The following NCAM2 variants were observed in gnomAD, a reference collection of about 807,000 sequenced individuals.
The protein encoded by NCAM2 is N-CAM-2.
In NCAM2, 30 loss-of-function variants were observed where a neutral mutation model predicts 98.1. The ratio of observed to expected loss-of-function variants is 0.31; its 90% CI spans 0.23 to 0.41. The LOEUF is 0.41. Ranked by LOEUF, NCAM2 falls within the 10% of genes least tolerant of loss-of-function variation. The pLI, the probability that NCAM2 is intolerant of heterozygous loss-of-function variation, is 1.00. For missense variants in NCAM2, 867 were observed against 1,005.8 expected (o/e 0.86, Z 1.87); for synonymous variants, 368 against 342.4 (o/e 1.07, Z -0.83).
At chr21:21,272,980 CACAT>C (rs1310094687) in intron 1 of NCAM2, among the ~76,000 whole-genome samples, 3 of 20,222 alleles carry the variant, frequency 1.5e-4, no homozygotes, top group South Asian at 1.8e-3. Flanking sequence ...TGCATTCACA[CACAT>C]ACACACACAC....
chr21:21,395,139 C>T (rs1244574670), intron 9 of NCAM2, among the ~76,000 whole-genome samples: 6 of 152,022 alleles, frequency 3.9e-5, no homozygotes, highest in Admixed American at 6.6e-5. Context: ...CGAGACCAGC[C>T]TGGGCAACAT....
intron 5 of NCAM2, among the ~76,000 whole-genome samples, chr21:21,306,355 C>A (rs1044504006): frequency 2.6e-5 from 4 of 152,078 alleles, no homozygotes; most frequent in Non-Finnish European, 5.9e-5. Context: ...GTATTTTAAG[C>A]TCTCTTATTA....
At chr21:21,024,090 A>T (rs561631874) in intron 1 of NCAM2, among the ~76,000 whole-genome samples, 1 of 152,240 alleles carries the variant, frequency 6.6e-6, no homozygotes, top group African/African-American at 2.4e-5. Flanking sequence ...GCAATAATAC[A>T]AAGAATATGT....
chr21:21,022,164 G>T (rs1169713301), intron 1 of NCAM2, among the ~76,000 whole-genome samples: 2 of 151,952 alleles, frequency 1.3e-5, no homozygotes, highest in Admixed American at 6.5e-5. Context: ...AATTAGAATA[G>T]TTTAGTTGAA....
At position 21,008,328 on chromosome 21, in the gene NCAM2, G is replaced by A. The variant is rs75851296; in HGVS notation, c.55+9710G>A. Among the ~76,000 whole-genome samples, 142 of 152,134 alleles carry A rather than the reference G, an allele frequency of 9.3e-4. 3 individuals are homozygous for A. The East Asian group carries it at 0.024, about 25-fold the overall frequency. On this transcript the variant is annotated intron_variant, in intron 1 of 17. Transcript: ENST00000400546. ...GATTACACACTAATCTTTACACCAG[G>A]TAAAACTTGTGAATCATCAAAGGGT...
rs560710892 is a variant in NCAM2, at chr21:21,340,413, A to G, written c.1044+1879A>G. ...GCTGTTATATTTTATTCTTGGATCTATGCCTCAGGCCACCCCAAACTACAC... is the reference window on the plus strand; with the variant it reads ...GCTGTTATATTTTATTCTTGGATCTGTGCCTCAGGCCACCCCAAACTACAC... On this transcript the variant is annotated intron_variant, in intron 8 of 17. Transcript: ENST00000400546. Among the ~76,000 whole-genome samples, 61 of 152,032 alleles carry G rather than the reference A, an allele frequency of 4.0e-4. No individual in the cohort carries two copies. In the South Asian group the frequency reaches 0.012, roughly 31 times the overall value.
At chr21:21,506,453 A>G (rs1987984013) in intron 15 of NCAM2, among the ~76,000 whole-genome samples, 1 of 152,114 alleles carries the variant, frequency 6.6e-6, no homozygotes, top group African/African-American at 2.4e-5. Context: ...ATTTTTTTTA[A>G]CTGCAAACAG....
intron 10 of NCAM2, among the ~76,000 whole-genome samples, 158 bp downstream of exon 10, chr21:21,410,619 T>C (rs2076837562): frequency 1.3e-5 from 2 of 152,128 alleles, no homozygotes; most frequent in Non-Finnish European, 2.9e-5. Flanking sequence ...GGTCCATGGC[T>C]CATTAATGAT....
intron 1 of NCAM2, among the ~76,000 whole-genome samples, chr21:21,121,090 A>T (rs2066665776): frequency 6.6e-6 from 1 of 152,176 alleles, no homozygotes; most frequent in Non-Finnish European, 1.5e-5. Context: ...TGGATTTCTC[A>T]GTAGTGTACT....
chr21:21,406,514 A>G (rs1279820114), intron 9 of NCAM2, among the ~76,000 whole-genome samples: 1 of 152,126 alleles, frequency 6.6e-6, no homozygotes, highest in Non-Finnish European at 1.5e-5. Context: ...AAAGTGGGCT[A>G]AGAAGAACCT....
chr21:21,095,765 A>G (rs891516201), intron 1 of NCAM2, among the ~76,000 whole-genome samples: 1 of 151,674 alleles, frequency 6.6e-6, no homozygotes, highest in African/African-American at 2.4e-5. Flanking sequence ...GAAAAATTGC[A>G]TATCAACTTT....
chr21:21,528,218 G>A (rs8133916), intron 16 of NCAM2, among the ~76,000 whole-genome samples: 7,819 of 152,194 alleles, frequency 0.051, 682 homozygotes, highest in African/African-American at 0.18. Context: ...AGTAAAGGGA[G>A]CCCAGAAGAT....
At chr21:21,278,211 A>G (rs551283800) in intron 1 of NCAM2, among the ~76,000 whole-genome samples, 1 of 151,782 alleles carries the variant, frequency 6.6e-6, no homozygotes, top group South Asian at 2.1e-4. Flanking sequence ...TTTCCCTTCT[A>G]TCCATAAACA....
At chr21:21,344,610 A>T (rs775665830) in intron 8 of NCAM2, among the ~76,000 whole-genome samples, 3 of 152,084 alleles carry the variant, frequency 2.0e-5, no homozygotes, top group Non-Finnish European at 1.5e-5. Context: ...CAGCCACAGT[A>T]CCATAGAACA....
rs572063392 is a variant in NCAM2 at position 21,127,141 on chromosome 21, T to C, written c.55+128523T>C. Among the ~76,000 whole-genome samples the C allele has an allele frequency of 9.9e-5, 15 of 152,074 alleles. No individual in the cohort carries two copies. The East Asian group carries it at 2.9e-3, about 29-fold the overall frequency. On this transcript the variant is annotated intron_variant, in intron 1 of 17. Coordinates refer to ENST00000400546, the MANE Select transcript of NCAM2 (RefSeq NM_004540.5). ...ATGACGGTTTTATTTGTAAGTAGTT[T>C]TTTAGATAATCCTTAAATACATTAT...
chr21:21,227,117 C>A (rs764630554), intron 1 of NCAM2, among the ~76,000 whole-genome samples: 2 of 151,672 alleles, frequency 1.3e-5, no homozygotes, highest in Non-Finnish European at 2.9e-5. Flanking sequence ...AACAAATATT[C>A]TGTTGAACAT....
At chr21:21,118,875 CTG>C (rs1324421166) in intron 1 of NCAM2, among the ~76,000 whole-genome samples, 1 of 152,098 alleles carries the variant, frequency 6.6e-6, no homozygotes, top group Non-Finnish European at 1.5e-5. Context: ...TTTCAGGTGA[CTG>C]TGTTGGCAAG....
At chr21:21,149,688 G>A (rs190147407) in intron 1 of NCAM2, among the ~76,000 whole-genome samples, 8 of 151,920 alleles carry the variant, frequency 5.3e-5, no homozygotes, top group Non-Finnish European at 1.5e-5. Context: ...TCCTGTGTTA[G>A]TTTGCTGAAA....
rs572026089 is a variant in NCAM2 at position 21,254,450 on chromosome 21, C to T, written c.56-26128C>T. On this transcript the variant is annotated intron_variant, in intron 1 of 17. Transcript: ENST00000400546. The stretch of plus-strand genomic sequence containing the variant: ...TGTTCTTTATAGCTTGAATTTTAAT[C>T]TGCTAGTTAAGTCGTGTTTGTGGAT... Among the ~76,000 whole-genome samples the T allele has an allele frequency of 3.3e-5, 5 of 152,304 alleles. No individual in the cohort carries two copies. In the South Asian group the frequency reaches 1.0e-3, roughly 32 times the overall value.
Sources: allele counts gnomAD v4.1 joint callset (sites outside exome capture counted in the v4.1 genomes callset), GRCh38; gene constraint gnomAD v4.1.1; transcripts MANE v1.5; gene names NCBI Gene and HGNC (gene_info 2026-07-23, HGNC 2026-07-21).